Variants in RSPO2 observed in about 807,000 individuals in gnomAD.
RSPO2 encodes the protein R-spondin 2, also known as R-spondin-2.
Under a neutral mutation model 30.9 loss-of-function variants are expected in RSPO2, and 14 were observed. The ratio of observed to expected loss-of-function variants is 0.45; its 90% CI spans 0.30 to 0.71. The LOEUF (loss-of-function observed/expected upper bound fraction) is 0.71, where lower values mean the gene tolerates loss of function less well. Among genes scored for constraint, RSPO2 ranks in the 30% least tolerant of loss-of-function variants. The probability of loss-of-function intolerance (pLI) is 0.08; values close to 1 mark genes in which losing one functional copy is unlikely to be tolerated. For synonymous variants in RSPO2, 107 were observed against 96.4 expected (o/e 1.11, Z -0.64); for missense variants, 264 against 301.9 (o/e 0.87, Z 0.93).
chr8:107,926,175 ATG>A (rs1293896327), intron 5 of RSPO2, among the ~76,000 whole-genome samples: 1 of 151,900 alleles, frequency 6.6e-6, no homozygotes, highest in Non-Finnish European at 1.5e-5. Flanking sequence ...GCATTTTTTC[ATG>A]TGTTTTTTGG....
chr8:107,978,763 A>AT (rs1027610395), intron 3 of RSPO2, among the ~76,000 whole-genome samples: 5 of 152,160 alleles, frequency 3.3e-5, no homozygotes, highest in African/African-American at 9.7e-5. Context: ...ATGGGAGAAA[A>AT]TTTTTGCAAC....
At chr8:108,077,364 G>A (rs994538321) in intron 2 of RSPO2, among the ~76,000 whole-genome samples, 1 of 152,076 alleles carries the variant, frequency 6.6e-6, no homozygotes, top group African/African-American at 2.4e-5. Flanking sequence ...AGGAACAGCA[G>A]CATGCTTGAA....
At chr8:107,995,586 A>C (rs562800660) in intron 2 of RSPO2, among the ~76,000 whole-genome samples, 10 of 152,160 alleles carry the variant, frequency 6.6e-5, no homozygotes, top group African/African-American at 2.4e-4. Flanking sequence ...TATCTCTAAA[A>C]CTGCTTTTAT....
At chr8:108,030,595 T>A (rs775762006) in intron 2 of RSPO2, among the ~76,000 whole-genome samples, 17 of 152,188 alleles carry the variant, frequency 1.1e-4, no homozygotes, top group Non-Finnish European at 2.1e-4. Flanking sequence ...TAATCATCCA[T>A]CTGCTGGCTT....
chr8:108,022,094 T>C (rs148881258), intron 2 of RSPO2, among the ~76,000 whole-genome samples: 1 of 152,242 alleles, frequency 6.6e-6, no homozygotes, highest in African/African-American at 2.4e-5. Flanking sequence ...GTACTGACAC[T>C]TTATCCCTCC....
rs138950195 is a variant in RSPO2 at position 108,037,125 on chromosome 8, T to TA, written c.94+45419dup. Among the ~76,000 whole-genome samples the TA allele has an allele frequency of 8.9e-3, 1,358 of 152,290 alleles. 22 individuals carry two copies. The highest frequency in any genetic ancestry group is 0.031 in the African/African-American group (1,279 of 41,556). On this transcript the variant is annotated intron_variant, in intron 2 of 5. Coordinates refer to ENST00000276659, the MANE Select transcript of RSPO2 (RefSeq NM_178565.5). ...CTTTAAATAAAAAACTAGACGTGATTAAGCTTAGTGAGCAGGGCATGTTAA... is the reference window on the plus strand; with the variant it reads ...CTTTAAATAAAAAACTAGACGTGATTAAAGCTTAGTGAGCAGGGCATGTTAA...
At chr8:108,048,963 G>A (rs891117596) in intron 2 of RSPO2, among the ~76,000 whole-genome samples, 7 of 152,138 alleles carry the variant, frequency 4.6e-5, no homozygotes, top group African/African-American at 1.2e-4. Context: ...TTCAGTTTCC[G>A]TGTAGTTGTG....
chr8:107,941,824 A>C (rs1159191431), intron 5 of RSPO2, among the ~76,000 whole-genome samples: 1 of 152,210 alleles, frequency 6.6e-6, no homozygotes, highest in Non-Finnish European at 1.5e-5. Flanking sequence ...AGTGATTCAT[A>C]AATCAGGTTA....
chr8:107,998,823 G>A (rs534758773), intron 2 of RSPO2, among the ~76,000 whole-genome samples: 11 of 152,158 alleles, frequency 7.2e-5, no homozygotes, highest in South Asian at 4.2e-4. Context: ...GAGGCAGGCC[G>A]ATCACCTAGA....
chr8:108,072,473 C>T (rs1812879849), intron 2 of RSPO2, among the ~76,000 whole-genome samples: 1 of 150,300 alleles, frequency 6.7e-6, no homozygotes, highest in African/African-American at 2.4e-5. Context: ...CTACAGGCAC[C>T]CGCCACCAAG....
intron 2 of RSPO2, among the ~76,000 whole-genome samples, chr8:108,037,753 T>G (rs943040982): frequency 6.6e-6 from 1 of 152,136 alleles, no homozygotes; most frequent in Non-Finnish European, 1.5e-5. Context: ...CTTATGGCCC[T>G]TAAAAATTAT....
At chr8:108,003,916 TA>T (rs776020829) in intron 2 of RSPO2, among the ~76,000 whole-genome samples, 3 of 152,182 alleles carry the variant, frequency 2.0e-5, no homozygotes, top group Non-Finnish European at 4.4e-5. Context: ...GTACAGCACC[TA>T]GGGGAAGAAA....
intron 2 of RSPO2, among the ~76,000 whole-genome samples, chr8:108,045,967 A>G (rs1811898129): frequency 6.6e-6 from 1 of 152,182 alleles, no homozygotes; most frequent in African/African-American, 2.4e-5. Context: ...ACTGAATTGG[A>G]GAATCTCTAC....
intron 3 of RSPO2, among the ~76,000 whole-genome samples, chr8:107,985,533 G>T (rs1814594091): frequency 6.6e-6 from 1 of 152,114 alleles, no homozygotes; most frequent in African/African-American, 2.4e-5. Context: ...GTAAGGTGAG[G>T]ATAACGACAA....
intron 2 of RSPO2, among the ~76,000 whole-genome samples, chr8:108,049,061 C>CA (rs1349366229): frequency 1.3e-5 from 2 of 151,788 alleles, no homozygotes; most frequent in Non-Finnish European, 2.9e-5. Context: ...TGTTCTTTTA[C>CA]ATTTGCTGAG....
intron 3 of RSPO2, among the ~76,000 whole-genome samples, chr8:107,975,739 T>G (rs1271000495): frequency 6.6e-6 from 1 of 152,226 alleles, no homozygotes; most frequent in Admixed American, 6.5e-5. Context: ...AGGTCACATT[T>G]TTTATATAAT....
intron 5 of RSPO2, among the ~76,000 whole-genome samples, chr8:107,953,720 G>C (rs1216550269): frequency 6.6e-6 from 1 of 152,072 alleles, no homozygotes; most frequent in Non-Finnish European, 1.5e-5. Flanking sequence ...TATCACTTTG[G>C]ACCAGTCAGA....
intron 3 of RSPO2, among the ~76,000 whole-genome samples, chr8:107,967,674 A>T (rs1813851970): frequency 6.6e-6 from 1 of 152,188 alleles, no homozygotes; most frequent in African/African-American, 2.4e-5. Flanking sequence ...CAGTAGAATG[A>T]GTTTAAATCA....
intron 2 of RSPO2, among the ~76,000 whole-genome samples, chr8:108,078,419 C>A (rs1262941865): frequency 6.6e-6 from 1 of 152,146 alleles, no homozygotes; most frequent in African/African-American, 2.4e-5. Context: ...AGCAAGTGTA[C>A]AAAATGTGTT....
Sources: allele counts gnomAD v4.1 joint callset (sites outside exome capture counted in the v4.1 genomes callset), GRCh38; gene constraint gnomAD v4.1.1; transcripts MANE v1.5; gene names NCBI Gene and HGNC (gene_info 2026-07-23, HGNC 2026-07-21).